Variants in APP observed in about 807,000 individuals in gnomAD.
APP encodes the protein amyloid beta precursor protein.
Under a neutral mutation model 101.4 loss-of-function variants are expected in APP, and 31 were observed. That is an observed-to-expected ratio of 0.31 (90% CI 0.23 to 0.41). The LOEUF (loss-of-function observed/expected upper bound fraction) is 0.41, where lower values mean the gene tolerates loss of function less well. APP is among the 10% of genes least tolerant of loss of function. APP has a pLI of 1.00. For synonymous variants in APP, 366 were observed against 364.4 expected (o/e 1.00, Z -0.05); for missense variants, 839 against 1,003.7 (o/e 0.84, Z 2.22).
At chr21:26,068,511 CA>C (rs1257299039) in intron 3 of APP, among the ~76,000 whole-genome samples, 1 of 152,134 alleles carries the variant, frequency 6.6e-6, no homozygotes, top group East Asian at 1.9e-4. Context: ...CGGCACATGC[CA>C]ACATGCCTGG....
intron 11 of APP, among the ~76,000 whole-genome samples, chr21:25,973,608 C>T (rs1338022707): frequency 6.6e-6 from 1 of 152,108 alleles, no homozygotes; most frequent in African/African-American, 2.4e-5. Flanking sequence ...GGTCCACAAT[C>T]ACAGGCAGAG....
chr21:25,981,585 T>C (rs1228309200), intron 9 of APP, among the ~76,000 whole-genome samples: 1 of 152,196 alleles, frequency 6.6e-6, no homozygotes, highest in East Asian at 1.9e-4. Context: ...ATCCAGTGCC[T>C]GGTAGCAGAC....
chr21:25,986,699 TCAAA>T (rs1053529203), intron 8 of APP, among the ~76,000 whole-genome samples: 32 of 152,102 alleles, frequency 2.1e-4, no homozygotes, highest in African/African-American at 3.1e-4. Flanking sequence ...AAACTCCGTC[TCAAA>T]CAAACAAACA....
intron 1 of APP, among the ~76,000 whole-genome samples, chr21:26,167,415 G>A (rs2063641461): frequency 6.6e-6 from 1 of 152,212 alleles, no homozygotes; most frequent in Non-Finnish European, 1.5e-5. Flanking sequence ...TGCTTTGTAA[G>A]ATTCTCAAGG....
chr21:26,109,004 G>A (rs2062249625), intron 2 of APP, among the ~76,000 whole-genome samples: 1 of 152,144 alleles, frequency 6.6e-6, no homozygotes, highest in African/African-American at 2.4e-5. Context: ...TGATGTTTTG[G>A]CCCTTTCTTA....
intron 1 of APP, among the ~76,000 whole-genome samples, chr21:26,159,082 G>A (rs575382815): frequency 6.6e-6 from 1 of 151,300 alleles, no homozygotes; most frequent in South Asian, 2.1e-4. Flanking sequence ...CAATAAGATA[G>A]TAAATTTTTT....
chr21:25,940,669 T>G (rs887954271), intron 13 of APP, among the ~76,000 whole-genome samples: 1 of 152,230 alleles, frequency 6.6e-6, no homozygotes, highest in Non-Finnish European at 1.5e-5. Flanking sequence ...ACCTTAAACA[T>G]TTTTGTGGCA....
At chr21:25,887,517 G>GAAAAAAAA (rs199637906) in intron 17 of APP, among the ~76,000 whole-genome samples, 29 of 114,440 alleles carry the variant, frequency 2.5e-4, no homozygotes, top group African/African-American at 5.6e-4. Context: ...CTGCTTATTT[G>GAAAAAAAA]AAAAAAAAAA....
At chr21:26,102,460 T>C (rs1379066792) in intron 2 of APP, among the ~76,000 whole-genome samples, 1 of 152,150 alleles carries the variant, frequency 6.6e-6, no homozygotes, top group East Asian at 1.9e-4. Flanking sequence ...AATTCTAACT[T>C]TTAGCCCCTG....
intron 2 of APP, among the ~76,000 whole-genome samples, chr21:26,100,171 T>G (rs561501914): frequency 6.6e-6 from 1 of 152,182 alleles, no homozygotes; most frequent in African/African-American, 2.4e-5. Flanking sequence ...TCTCTTTCAA[T>G]GTAGGGCTAA....
At chr21:26,066,523 A>T (rs2046459927) in intron 3 of APP, among the ~76,000 whole-genome samples, 1 of 151,310 alleles carries the variant, frequency 6.6e-6, no homozygotes, top group South Asian at 2.1e-4. Flanking sequence ...CACCTCCAGA[A>T]CCTGGAAACC....
chr21:26,061,742 T>C (rs1268553152), intron 3 of APP, among the ~76,000 whole-genome samples: 2 of 152,182 alleles, frequency 1.3e-5, no homozygotes, highest in African/African-American at 2.4e-5. Flanking sequence ...ACAGATGGGA[T>C]TCTTCAGATG....
At chr21:26,049,961 G>A (rs1276077061) in intron 5 of APP, among the ~76,000 whole-genome samples, 2 of 152,158 alleles carry the variant, frequency 1.3e-5, no homozygotes, top group Non-Finnish European at 1.5e-5. Context: ...GAAGGAGCTG[G>A]CTAGCATTTC....
At chr21:26,170,811 C>G, upstream of APP, 1 of 570,374 alleles carries the variant, frequency 1.8e-6, no homozygotes, top group Non-Finnish European at 2.9e-6. Flanking sequence ...CCAGGCGAGT[C>G]AGCTGATCCG....
At chr21:25,925,337 G>A (rs1044325462) in intron 13 of APP, among the ~76,000 whole-genome samples, 1 of 152,158 alleles carries the variant, frequency 6.6e-6, no homozygotes, top group Non-Finnish European at 1.5e-5. Context: ...ACTCCCCAAG[G>A]CTCGGGTTCG....
Position 26,048,087 on chromosome 21 carries a change from T to C in APP, c.662+2913A>G, listed in dbSNP as rs377558881. On this transcript the variant is annotated intron_variant, in intron 5 of 17. Transcript: ENST00000346798. ...ATCCCAGCACTTTGGGAGGCTGAGGTTGGTGGATGACGAGGTCAGGAGTTC... is the reference window on the plus strand; with the variant it reads ...ATCCCAGCACTTTGGGAGGCTGAGGCTGGTGGATGACGAGGTCAGGAGTTC... Among the ~76,000 whole-genome samples the C allele has an allele frequency of 5.9e-5, 9 of 151,392 alleles. No homozygotes were observed. In the East Asian group the frequency reaches 1.7e-3, roughly 29 times the overall value.
chr21:25,930,244 G>C (rs950271613), intron 13 of APP, among the ~76,000 whole-genome samples: 4 of 152,162 alleles, frequency 2.6e-5, no homozygotes, highest in Non-Finnish European at 5.9e-5. Flanking sequence ...GACCAGCCCC[G>C]TCTCTCAAGC....
intron 6 of APP, among the ~76,000 whole-genome samples, chr21:26,006,141 GAGAAAATTTGTTC>G (rs1372539313): frequency 1.3e-5 from 2 of 152,046 alleles, no homozygotes. Flanking sequence ...GATAATAATG[GAGAAAATTTGTTC>G]AGAAAAATAA....
intron 11 of APP, among the ~76,000 whole-genome samples, chr21:25,960,497 C>T (rs1318369865): frequency 6.6e-6 from 1 of 152,160 alleles, no homozygotes; most frequent in Non-Finnish European, 1.5e-5. Context: ...ACATTCCAGC[C>T]TCTGTATAAG....
Sources: gnomAD v4.1 joint callset for allele counts (sites outside exome capture counted in the v4.1 genomes callset) on GRCh38, gnomAD v4.1.1 for gene constraint, MANE v1.5 for transcripts, NCBI Gene and HGNC (gene_info 2026-07-23, HGNC 2026-07-21) for gene names.